ISM1: variants seen among roughly 807,000 people sequenced by gnomAD.
ISM1 encodes the protein isthmin-1.
Under a neutral mutation model 46.3 loss-of-function variants are expected in ISM1, and 25 were observed. The observed-to-expected ratio is 0.54, with a 90% CI of 0.39 to 0.75. The LOEUF (loss-of-function observed/expected upper bound fraction) is 0.75. Among genes scored for constraint, ISM1 ranks in the 30% least tolerant of loss-of-function variants. The pLI, the probability that ISM1 is intolerant of heterozygous loss-of-function variation, is 0.00. For missense variants in ISM1, 536 were observed against 625.4 expected, an observed-to-expected ratio of 0.86 and a Z score of 1.52; for synonymous variants, 255 against 256.7, an observed-to-expected ratio of 0.99 and a Z score of 0.06.
At chr20:13,322,506 C>T in the ISM1 span, among the ~76,000 whole-genome samples, 13 of 152,166 alleles carry the variant, frequency 8.5e-5, no homozygotes, top group African/African-American at 2.9e-4. Context: ...CAGACGAGGT[C>T]CATATGAGGT....
chr20:13,244,630 A>G (rs906309156), intron 1 of ISM1, among the ~76,000 whole-genome samples: 7 of 152,356 alleles, frequency 4.6e-5, no homozygotes, highest in African/African-American at 1.7e-4. Flanking sequence ...TACCTTTACT[A>G]TATACTTCCA....
At position 13,221,841 on chromosome 20, in the gene ISM1, C is replaced by T. The variant is rs1244270685; in HGVS notation, c.65C>T (p.Thr22Ile). Residue 22 changes from threonine (T) to isoleucine (I), a missense_variant, in exon 1 of 6, where the codon ACC becomes ATC. By Grantham distance (89) the Thr-to-Ile change is moderately conservative. This residue lies in a region of ISM1 where 367 missense variants were observed against 376.1 expected (regional missense o/e 0.98). Transcript: ENST00000262487. ...CTGCTGCTGCTCACGCTGCACATCA[C>T]CGTGCTGCGCGGCTCGGGAGCCGCC... The part of the protein sequence containing the change: ...LGLLLLTLHI[T>I]VLRGSGAADG... 2.8e-6 allele frequency: 4 copies of T among 1,443,200 alleles called. No individual in the cohort carries two copies. Among genetic ancestry groups the T allele is most frequent in the East Asian group, 3.0e-5 (1 of 32,918 alleles). The allele number at this position is 1,443,200 out of a possible 1,614,324, so 89.4% of individuals were successfully genotyped here. A position where few individuals can be genotyped will look rare whatever the true frequency, so the allele number is the denominator to read the frequency against.
intron 1 of ISM1, among the ~76,000 whole-genome samples, chr20:13,241,228 T>C (rs1012544619): frequency 6.6e-6 from 1 of 152,044 alleles, no homozygotes; most frequent in African/African-American, 2.4e-5. Flanking sequence ...CCAGTGTCTA[T>C]TGGGTAAAGG....
intron 1 of ISM1, among the ~76,000 whole-genome samples, chr20:13,229,953 G>A (rs1009746488): frequency 2.0e-5 from 3 of 151,976 alleles, no homozygotes; most frequent in Non-Finnish European, 2.9e-5. Flanking sequence ...CACCTTGGTC[G>A]GCCACCTTGA....
At chr20:13,222,111 C>T (rs1298209917) in intron 1 of ISM1, among the ~76,000 whole-genome samples, 197 bp downstream of exon 1, 1 of 152,164 alleles carries the variant, frequency 6.6e-6, no homozygotes, top group Non-Finnish European at 1.5e-5. Context: ...AGGCTGCACC[C>T]GGCTTCCAGG....
At chr20:13,290,574 G>T (rs536040589) in intron 4 of ISM1, among the ~76,000 whole-genome samples, 3 of 152,104 alleles carry the variant, frequency 2.0e-5, no homozygotes, top group African/African-American at 7.2e-5. Context: ...GCAGGAACCC[G>T]GGAGGCGGAG....
intron 5 of ISM1, among the ~76,000 whole-genome samples, chr20:13,296,513 G>T (rs1385357993): frequency 6.6e-6 from 1 of 152,206 alleles, no homozygotes; most frequent in Non-Finnish European, 1.5e-5. Context: ...TCAAGGTTAG[G>T]CAAGGAGAGT....
intron 1 of ISM1, among the ~76,000 whole-genome samples, chr20:13,241,451 A>G (rs1334115119): frequency 6.6e-6 from 1 of 151,950 alleles, no homozygotes; most frequent in Non-Finnish European, 1.5e-5. Flanking sequence ...AGAAATGAGG[A>G]GTGAATTCTT....
the ISM1 span, among the ~76,000 whole-genome samples, chr20:13,323,771 C>T: frequency 3.3e-4 from 50 of 152,262 alleles, no homozygotes; most frequent in Admixed American, 3.3e-3. Context: ...AAGCCTTCTT[C>T]TTCAATCCCA....
chr20:13,266,000 C>T (rs1488972936), intron 1 of ISM1, among the ~76,000 whole-genome samples: 2 of 152,174 alleles, frequency 1.3e-5, no homozygotes, highest in African/African-American at 2.4e-5. Flanking sequence ...CTTGTTTCCT[C>T]ATTTCAGGCA....
At chr20:13,288,790 TC>T in intron 4 of ISM1, 107 bp downstream of exon 4, 1 of 1,178,438 alleles carries the variant, frequency 8.5e-7, no homozygotes, top group Middle Eastern at 2.0e-4. Flanking sequence ...ACTTTTCTTT[TC>T]TTTTTTTTTT....
chr20:13,251,949 G>A (rs1435656157), intron 1 of ISM1, among the ~76,000 whole-genome samples: 1 of 151,714 alleles, frequency 6.6e-6, no homozygotes, highest in African/African-American at 2.4e-5. Flanking sequence ...AAGTGAGAGA[G>A]TCCAAGCTGA....
chr20:13,266,714 T>G (rs2040046974), intron 1 of ISM1, among the ~76,000 whole-genome samples: 1 of 152,246 alleles, frequency 6.6e-6, no homozygotes, highest in Non-Finnish European at 1.5e-5. Context: ...GTCATGATGC[T>G]TTCCTTAAAT....
At chr20:13,279,301 A>G (rs1292388480) in intron 2 of ISM1, among the ~76,000 whole-genome samples, 1 of 152,184 alleles carries the variant, frequency 6.6e-6, no homozygotes, top group African/African-American at 2.4e-5. Context: ...TGGAGGAGAG[A>G]CAAACTCTCC....
chr20:13,251,927 G>A (rs1332899106), intron 1 of ISM1, among the ~76,000 whole-genome samples: 1 of 152,062 alleles, frequency 6.6e-6, no homozygotes, highest in African/African-American at 2.4e-5. Flanking sequence ...TATATCTGCA[G>A]ACTTGGGGAG....
intron 2 of ISM1, among the ~76,000 whole-genome samples, chr20:13,275,552 C>G (rs1263618911): frequency 2.0e-5 from 3 of 152,170 alleles, no homozygotes; most frequent in Non-Finnish European, 4.4e-5. Flanking sequence ...CAGACTTGAC[C>G]TCCGTAGCCC....
chr20:13,231,303 ACCAGGCTACCCCATGCCCTC>A (rs2039585145), intron 1 of ISM1, among the ~76,000 whole-genome samples: 1 of 152,340 alleles, frequency 6.6e-6, no homozygotes, highest in Admixed American at 6.5e-5. Flanking sequence ...CAGCAAAAGA[ACCAGGCTACCCCATGCCCTC>A]CCGGAGCAGT....
chr20:13,299,619 C>A lies in ISM1; in HGVS notation c.*160C>A. 1 of 722,444 alleles carries A rather than the reference C, an allele frequency of 1.4e-6. No individual in the cohort carries two copies. The highest frequency in any genetic ancestry group is 2.2e-6 in the Non-Finnish European group (1 of 457,128). 44.8% of individuals were successfully genotyped at this position (722,444 alleles called of 1,614,324 possible). A position where few individuals can be genotyped will look rare whatever the true frequency, so the allele number is the denominator to read the frequency against. On this transcript the variant is annotated 3_prime_UTR_variant, in exon 6 of 6. Transcript: ENST00000262487. The surrounding 1 kb of genome is among the most constrained non-coding windows in gnomAD (Gnocchi z 5.8). The stretch of plus-strand genomic sequence containing the variant: ...TACATTACGCTAGGGGCGTGTGCCA[C>A]GCCCAGGGGACTGCCTTGTGAAGCC...
At chr20:13,275,852 A>G (rs1258296302) in intron 2 of ISM1, among the ~76,000 whole-genome samples, 1 of 152,166 alleles carries the variant, frequency 6.6e-6, no homozygotes, top group Non-Finnish European at 1.5e-5. Flanking sequence ...CCAACACTAC[A>G]TCTTCCTTGC....
Sources: gnomAD v4.1 joint callset for allele counts (sites outside exome capture counted in the v4.1 genomes callset) on GRCh38, gnomAD v4.1.1 for gene constraint, gnomAD v4.1.1 regional missense constraint, Gnocchi (gnomAD v3.1) non-coding constraint, MANE v1.5 for transcripts, NCBI Gene and HGNC (gene_info 2026-07-23, HGNC 2026-07-21) for gene names.